LRFN5: variants seen among roughly 807,000 people sequenced by gnomAD.
LRFN5 encodes leucine-rich repeat and fibronectin type-III domain-containing protein 5.
A neutral mutation model predicts 45.6 loss-of-function variants in LRFN5; 24 were observed. That is an observed-to-expected ratio of 0.53 (90% CI 0.38 to 0.74). LRFN5 has a LOEUF of 0.74. Among genes scored for constraint, LRFN5 ranks in the 30% least tolerant of loss-of-function variants. The probability of loss-of-function intolerance (pLI) is 0.00; values close to 1 mark genes in which losing one functional copy is unlikely to be tolerated. For synonymous variants in LRFN5, 340 were observed against 313.8 expected, an observed-to-expected ratio of 1.08 and a Z score of -0.88; for missense variants, 776 against 861.5, an observed-to-expected ratio of 0.90 and a Z score of 1.24.
intron 2 of LRFN5, among the ~76,000 whole-genome samples, chr14:41,776,912 TTCC>T (rs1886312111): frequency 6.6e-6 from 1 of 152,066 alleles, no homozygotes; most frequent in South Asian, 2.1e-4. Flanking sequence ...CATTTATGTT[TTCC>T]ATACTTATAA....
Position 41,903,408 on chromosome 14 carries a change from T to G in LRFN5, c.2143-750T>G, listed in dbSNP as rs188279805. ...TTTTTAATGGAAAAGAGAAAATTAC[T>G]TGTACTCATGTATATGAAAGCATAT... is the stretch of plus-strand genomic sequence containing the variant. On this transcript the variant is annotated intron_variant, in intron 5 of 5. Transcript: ENST00000298119. Among the ~76,000 whole-genome samples, 17 of 151,526 alleles carry G rather than the reference T, an allele frequency of 1.1e-4. No individual in the cohort carries two copies. In the East Asian group the frequency reaches 3.3e-3, roughly 30 times the overall value.
intron 1 of LRFN5, among the ~76,000 whole-genome samples, chr14:41,645,688 C>T (rs1879783389): frequency 6.6e-6 from 1 of 152,162 alleles, no homozygotes; most frequent in South Asian, 2.1e-4. Flanking sequence ...CTTCATGGGT[C>T]ATGATTCATC....
At chr14:41,852,295 A>G (rs939509820) in intron 2 of LRFN5, among the ~76,000 whole-genome samples, 1 of 151,920 alleles carries the variant, frequency 6.6e-6, no homozygotes, top group African/African-American at 2.4e-5. Context: ...TTTTGAATCA[A>G]AGATACATAT....
intron 1 of LRFN5, among the ~76,000 whole-genome samples, chr14:41,675,743 A>G (rs1353720598): frequency 6.6e-6 from 1 of 152,218 alleles, no homozygotes; most frequent in Non-Finnish European, 1.5e-5. Context: ...CTTTACAAAT[A>G]TTAATGATGA....
intron 2 of LRFN5, among the ~76,000 whole-genome samples, chr14:41,811,493 C>A (rs1250960268): frequency 6.6e-6 from 1 of 152,020 alleles, no homozygotes; most frequent in Non-Finnish European, 1.5e-5. Flanking sequence ...CAGCATAATT[C>A]ATAATAGCCC....
chr14:41,877,167 C>T (rs559991991), intron 2 of LRFN5, among the ~76,000 whole-genome samples: 4 of 152,210 alleles, frequency 2.6e-5, no homozygotes, highest in South Asian at 2.1e-4. Context: ...GTGAGAATAT[C>T]GCTTACATTT....
intron 1 of LRFN5, among the ~76,000 whole-genome samples, chr14:41,663,175 A>C (rs1880735351): frequency 6.6e-6 from 1 of 152,150 alleles, no homozygotes; most frequent in African/African-American, 2.4e-5. Flanking sequence ...CTAATTTGTT[A>C]GGCCAAGGGG....
At chr14:41,783,166 G>T (rs1886594637) in intron 2 of LRFN5, among the ~76,000 whole-genome samples, 1 of 151,828 alleles carries the variant, frequency 6.6e-6, no homozygotes, top group Non-Finnish European at 1.5e-5. Context: ...AAGCCTATGG[G>T]GATTTTTCTT....
intron 1 of LRFN5, among the ~76,000 whole-genome samples, chr14:41,759,661 C>T (rs1289775703): frequency 6.6e-6 from 1 of 152,134 alleles, no homozygotes; most frequent in Non-Finnish European, 1.5e-5. Context: ...AATGTAATCT[C>T]TGTGCTTTGC....
chr14:41,793,700 G>T (rs1231489307), intron 2 of LRFN5, among the ~76,000 whole-genome samples: 1 of 145,896 alleles, frequency 6.9e-6, no homozygotes, highest in Admixed American at 6.8e-5. Flanking sequence ...CTACTCCTAA[G>T]AAAAAAAAAA....
At chr14:41,783,553 G>T (rs532683164) in intron 2 of LRFN5, among the ~76,000 whole-genome samples, 2 of 152,058 alleles carry the variant, frequency 1.3e-5, no homozygotes, top group Non-Finnish European at 2.9e-5. Flanking sequence ...ATTTTGGTTG[G>T]TAGTTTAGAG....
Position 41,608,324 on chromosome 14 carries a change from G to A in LRFN5, c.-435G>A, listed in dbSNP as rs978626114. On this transcript the variant is annotated 5_prime_UTR_variant, in exon 1 of 6. Coordinates refer to ENST00000298119, the MANE Select transcript of LRFN5 (RefSeq NM_152447.5). ...CCCGCTCCCCGGGCGCGGAGCCGCG[G>A]GTTTCATGGGGCGATTGCAGCGATT... The A allele has an allele frequency of 6.5e-6, 1 of 152,862 alleles. No individual in the cohort carries two copies. The highest frequency in any genetic ancestry group is 2.4e-5 in the African/African-American group (1 of 41,472). The allele number at this position is 152,862 out of a possible 1,614,324, so 9.5% of individuals were successfully genotyped here. A position where few individuals can be genotyped will look rare whatever the true frequency, so the allele number is the denominator to read the frequency against.
At chr14:41,812,160 CTG>C (rs1348099898) in intron 2 of LRFN5, among the ~76,000 whole-genome samples, 1 of 151,920 alleles carries the variant, frequency 6.6e-6, no homozygotes, top group Non-Finnish European at 1.5e-5. Context: ...AGAAATTAAA[CTG>C]AGTTATTACC....
At chr14:41,849,146 A>G (rs572843189) in intron 2 of LRFN5, among the ~76,000 whole-genome samples, 2 of 152,132 alleles carry the variant, frequency 1.3e-5, no homozygotes, top group South Asian at 4.1e-4. Context: ...TTACACTATA[A>G]AGTAACAAAT....
chr14:41,790,658 A>G lies in LRFN5; in HGVS notation c.-21+23629A>G, dbSNP rs571498667. Among the ~76,000 whole-genome samples, 33 of 151,562 alleles carry G rather than the reference A, an allele frequency of 2.2e-4. 1 individual carries two copies. Among genetic ancestry groups the G allele is most frequent in the African/African-American group, 8.0e-4 (33 of 41,466 alleles). On this transcript the variant is annotated intron_variant, in intron 2 of 5. Coordinates refer to ENST00000298119, the MANE Select transcript of LRFN5 (RefSeq NM_152447.5). ...TTAATAACCATTGAGTTTAAAGCAT[A>G]TTCTGATTTATAAAAAAGAACTTTA...
intron 3 of LRFN5, among the ~76,000 whole-genome samples, chr14:41,888,514 T>C (rs1890659836): frequency 6.6e-6 from 1 of 152,142 alleles, no homozygotes; most frequent in African/African-American, 2.4e-5. Flanking sequence ...CAAAAGCCAT[T>C]TGGAGTCAAG....
chr14:41,804,366 G>C (rs1014636084), intron 2 of LRFN5, among the ~76,000 whole-genome samples: 1 of 152,086 alleles, frequency 6.6e-6, no homozygotes, highest in East Asian at 1.9e-4. Flanking sequence ...TCTGGGTGGA[G>C]CCATTTGGTC....
chr14:41,668,571 G>C (rs931150736), intron 1 of LRFN5, among the ~76,000 whole-genome samples: 3 of 152,064 alleles, frequency 2.0e-5, no homozygotes, highest in African/African-American at 7.2e-5. Context: ...AACATCTGCT[G>C]TTAATTACAC....
chr14:41,783,131 G>C (rs1486858015), intron 2 of LRFN5, among the ~76,000 whole-genome samples: 1 of 151,894 alleles, frequency 6.6e-6, no homozygotes, highest in Non-Finnish European at 1.5e-5. Flanking sequence ...TTTCAGAATG[G>C]TTACTTTTCC....
Sources: gnomAD v4.1 joint callset for allele counts (sites outside exome capture counted in the v4.1 genomes callset) on GRCh38, gnomAD v4.1.1 for gene constraint, MANE v1.5 for transcripts, NCBI Gene and HGNC (gene_info 2026-07-23, HGNC 2026-07-21) for gene names.